Variants in MYPOP observed in about 807,000 individuals in gnomAD.
MYPOP encodes myb-related transcription factor, partner of profilin.
Under a neutral mutation model 25.7 loss-of-function variants are expected in MYPOP, and 21 were observed. The ratio of observed to expected loss-of-function variants is 0.82; its 90% CI spans 0.58 to 1.18. The LOEUF (loss-of-function observed/expected upper bound fraction) is 1.18, where lower values mean the gene tolerates loss of function less well. MYPOP is among the 50% of genes most tolerant of loss of function. The pLI, the probability that MYPOP is intolerant of heterozygous loss-of-function variation, is 0.00. For synonymous variants in MYPOP, 280 were observed against 247.9 expected (o/e 1.13, Z -1.22); for missense variants, 566 against 588.3 (o/e 0.96, Z 0.39).
rs766962518 is a variant in MYPOP at position 45,901,429 on chromosome 19, G to A, written c.345C>T (p.Thr115=). The A allele has an allele frequency of 1.6e-5, 26 of 1,577,982 alleles. No individual in the cohort carries two copies. The highest frequency in any genetic ancestry group is 2.2e-5 in the Non-Finnish European group (25 of 1,162,358). ...CACCTGGCCCCAGGATGGCAAAAATGGTCTCCTCTTCCGCGGAGAAAGCGT... is the reference window on the plus strand; with the variant it reads ...CACCTGGCCCCAGGATGGCAAAAATAGTCTCCTCTTCCGCGGAGAAAGCGT... The part of the protein sequence containing the change: ...AEDAFSAEEE[T]IFAILGPGVA... The change falls in exon 2 of 3, where the codon ACC becomes ACT. Residue 115 remains threonine (T), a synonymous_variant. Coordinates refer to ENST00000322217, the MANE Select transcript of MYPOP (RefSeq NM_001012643.4). This position sits in a 1 kb window ranked among gnomAD's most constrained non-coding sequence, Gnocchi z 5.7.
At position 45,902,559 on chromosome 19, in the gene MYPOP, G is replaced by A. The variant is rs544186974; in HGVS notation, c.-53+11C>T. 6.6e-6 allele frequency: 1 copy of A among 152,286 alleles called. No homozygotes were observed. The highest frequency in any genetic ancestry group is 6.5e-5 in the Admixed American group (1 of 15,288). The allele number at this position is 152,286 out of a possible 1,614,324, so 9.4% of individuals were successfully genotyped here. A position where few individuals can be genotyped will look rare whatever the true frequency, so the allele number is the denominator to read the frequency against. On this transcript the variant is annotated intron_variant, in intron 1 of 2. Coordinates refer to ENST00000322217, the MANE Select transcript of MYPOP (RefSeq NM_001012643.4). ...GAGGGTGGGGACCGAGTCGGGCCAC[G>A]GGTCACTCACCGGCTCCGCCGCAGC... is the stretch of plus-strand genomic sequence containing the variant.
chr19:45,898,756 T>A (rs967886538), intron 2 of MYPOP, among the ~76,000 whole-genome samples: 1 of 152,142 alleles, frequency 6.6e-6, no homozygotes, highest in Non-Finnish European at 1.5e-5. Context: ...TATTCCCATC[T>A]CTACTTGAAT....
At position 45,901,293 on chromosome 19, in the gene MYPOP, G is replaced by C. The variant is rs759225106; in HGVS notation, c.481C>G (p.Arg161Gly). ...PQRYVLSEDRREDRRADTSAH... is the reference protein window; with the variant it reads ...PQRYVLSEDRGEDRRADTSAH... ...CACTCACCTGCACGTCGGTCCTCCC[G>C]GCGGTCTTCCGACAACACGTAGCGC... The change falls in exon 2 of 3, where the codon CGG (arginine) becomes GGG (glycine). Residue 161 changes from arginine (R) to glycine (G), a missense_variant. Transcript: ENST00000322217. The surrounding 1 kb of genome is among the most constrained non-coding windows in gnomAD (Gnocchi z 5.7). 3.7e-5 allele frequency: 53 copies of C among 1,451,770 alleles called. No homozygotes were observed. Among genetic ancestry groups the C allele is most frequent in the Non-Finnish European group, 4.0e-5 (44 of 1,103,498 alleles). The allele number at this position is 1,451,770 out of a possible 1,614,324, so 89.9% of individuals were successfully genotyped here.
Position 45,890,943 on chromosome 19 carries a change from G to A in MYPOP, c.880C>T (p.Leu294=), listed in dbSNP as rs1157979787. Residue 294 remains leucine (L), a synonymous_variant, in exon 3 of 3, where the codon CTG becomes TTG. Coordinates refer to ENST00000322217, the MANE Select transcript of MYPOP (RefSeq NM_001012643.4). ...GGGGTTCCTGGCAGAAGGGGCAGCA[G>A]AGCGCTGAGGGCCTCGCTCAGTTTG... is the stretch of plus-strand genomic sequence containing the variant. The part of the protein sequence containing the change: ...LAKLSEALSA[L]LPLLPGTPVD... 8 of 1,461,872 alleles carry A rather than the reference G, an allele frequency of 5.5e-6. No individual in the cohort carries two copies. Among genetic ancestry groups the A allele is most frequent in the Non-Finnish European group, 7.2e-6 (8 of 1,106,284 alleles). The allele number at this position is 1,461,872 out of a possible 1,614,324, so 90.6% of individuals were successfully genotyped here. A position where few individuals can be genotyped will look rare whatever the true frequency, so the allele number is the denominator to read the frequency against.
intron 2 of MYPOP, among the ~76,000 whole-genome samples, chr19:45,898,390 A>G (rs1182509318): frequency 6.7e-6 from 1 of 149,832 alleles, no homozygotes; most frequent in Non-Finnish European, 1.5e-5. Flanking sequence ...TGGCGCGATC[A>G]TGGCTCACTG....
chr19:45,901,615 C>T lies in MYPOP; in HGVS notation c.159G>A (p.Arg53=), dbSNP rs1568646027. The change falls in exon 2 of 3, where the codon CGG becomes CGA. Residue 53 remains arginine, a synonymous_variant. Coordinates refer to ENST00000322217, the MANE Select transcript of MYPOP (RefSeq NM_001012643.4). This position sits in a 1 kb window ranked among gnomAD's most constrained non-coding sequence, Gnocchi z 5.7. Reference sequence around the variant, plus strand: ...TGGCGGCGATGCCGTCCCACACGCGCCGCCGCTCTGCCACGCTCACCCGAC... The same window carrying T: ...TGGCGGCGATGCCGTCCCACACGCGTCGCCGCTCTGCCACGCTCACCCGAC... ...QSRRVSVAER[R]RVWDGIAAKI... 4 of 1,610,648 alleles carry T rather than the reference C, an allele frequency of 2.5e-6. No homozygotes were observed. The African/African-American group carries it at 4.0e-5, about 16-fold the overall frequency.
At chr19:45,891,473 G>T (rs1967125908) in intron 2 of MYPOP, 150 bp from the exon 3 acceptor site, 13 of 949,918 alleles carry the variant, frequency 1.4e-5, no homozygotes, top group Middle Eastern at 3.4e-4. Flanking sequence ...GTCTTGGTCT[G>T]TCACCCAGGC....
At chr19:45,897,413 G>A (rs1445099829) in intron 2 of MYPOP, among the ~76,000 whole-genome samples, 2 of 152,082 alleles carry the variant, frequency 1.3e-5, no homozygotes, top group Admixed American at 1.3e-4. Context: ...GGCCTGGGGT[G>A]TGAGTGACAA....
chr19:45,891,842 G>A (rs927911320), intron 2 of MYPOP, among the ~76,000 whole-genome samples: 5 of 152,200 alleles, frequency 3.3e-5, no homozygotes, highest in African/African-American at 1.2e-4. Flanking sequence ...GCCAGCTTTA[G>A]TGGAAACAGG....
intron 2 of MYPOP, among the ~76,000 whole-genome samples, chr19:45,891,588 C>T (rs1967127428): frequency 6.6e-6 from 1 of 152,006 alleles, no homozygotes; most frequent in African/African-American, 2.4e-5. Context: ...AGGTGACCGC[C>T]ACCACACCCG....
intron 2 of MYPOP, among the ~76,000 whole-genome samples, chr19:45,895,155 C>T (rs1479870654): frequency 6.6e-6 from 1 of 152,218 alleles, no homozygotes; most frequent in African/African-American, 2.4e-5. Context: ...TCCCCCATTG[C>T]CTTCCTGACC....
At position 45,890,303 on chromosome 19, in the gene MYPOP, G is replaced by C. The variant is rs549036390; in HGVS notation, c.*320C>G. 2 of 274,906 alleles carry C rather than the reference G, an allele frequency of 7.3e-6. No individual in the cohort carries two copies. The highest frequency in any genetic ancestry group is 4.4e-5 in the African/African-American group (2 of 45,332). 17.0% of individuals were successfully genotyped at this position (274,906 alleles called of 1,614,324 possible). ...TTCAAGTCAAGAACAGGAACTGTTA[G>C]GGAAGGGGAGATGTGCAGACCCGAG... is the stretch of plus-strand genomic sequence containing the variant. On this transcript the variant is annotated 3_prime_UTR_variant, in exon 3 of 3. Coordinates refer to ENST00000322217, the MANE Select transcript of MYPOP (RefSeq NM_001012643.4).
At chr19:45,899,336 G>A (rs1224916849) in intron 2 of MYPOP, among the ~76,000 whole-genome samples, 1 of 152,162 alleles carries the variant, frequency 6.6e-6, no homozygotes, top group Non-Finnish European at 1.5e-5. Context: ...CGTCTGCCTT[G>A]GATGAGGTTC....
At chr19:45,898,215 G>A (rs1460184242) in intron 2 of MYPOP, among the ~76,000 whole-genome samples, 1 of 151,978 alleles carries the variant, frequency 6.6e-6, no homozygotes, top group Non-Finnish European at 1.5e-5. Flanking sequence ...ATGAGCCACC[G>A]CAGCTGGCCC....
chr19:45,891,685 G>A (rs574376268), intron 2 of MYPOP, among the ~76,000 whole-genome samples: 60 of 151,938 alleles, frequency 3.9e-4, no homozygotes, highest in African/African-American at 1.4e-3. Flanking sequence ...CGATCCGCCC[G>A]CCTTGGCCTC....
Position 45,890,806 on chromosome 19 carries a change from G to A in MYPOP, c.1017C>T (p.Ser339=), listed in dbSNP as rs760006426. The A allele has an allele frequency of 3.4e-6, 5 of 1,487,470 alleles. No individual in the cohort carries two copies. The highest frequency in any genetic ancestry group is 2.7e-5 in the South Asian group (2 of 74,956). 92.1% of individuals were successfully genotyped at this position (1,487,470 alleles called of 1,614,324 possible). ...CCCCGTCCACCACAGCAGCCACCACGGACACGGGCTCTGGGGTGATCTCCA... is the reference window on the plus strand; with the variant it reads ...CCCCGTCCACCACAGCAGCCACCACAGACACGGGCTCTGGGGTGATCTCCA... ...PKVEITPEPV[S]VVAAVVDGAV... The change falls in exon 3 of 3, where the codon TCC becomes TCT. Residue 339 remains serine (S), a synonymous_variant. Coordinates refer to ENST00000322217, the MANE Select transcript of MYPOP (RefSeq NM_001012643.4).
intron 2 of MYPOP, among the ~76,000 whole-genome samples, chr19:45,898,919 T>C (rs1967246464): frequency 6.6e-6 from 1 of 152,146 alleles, no homozygotes; most frequent in African/African-American, 2.4e-5. Context: ...GTCTGTTTCC[T>C]CCAACTACAT....
Position 45,901,571 on chromosome 19 carries a change from C to T in MYPOP, c.203G>A (p.Ser68Asn), listed in dbSNP as rs1478052528. Residue 68 changes from serine to asparagine, a missense_variant, in exon 2 of 3, where the codon AGC becomes AAC. Transcript: ENST00000322217. The surrounding 1 kb of genome is among the most constrained non-coding windows in gnomAD (Gnocchi z 5.7). ...GIAAKINGIT[S>N]WKRTGQEVQK... is the part of the protein sequence containing the mutation. ...CACCTCCTGGCCCGTGCGCTTCCAG[C>T]TGGTGATACCGTTGATCTTGGCGGC... 10 of 1,612,078 alleles carry T rather than the reference C, an allele frequency of 6.2e-6. No individual in the cohort carries two copies. The highest frequency in any genetic ancestry group is 1.3e-5 in the African/African-American group (1 of 74,896).
intron 2 of MYPOP, among the ~76,000 whole-genome samples, chr19:45,893,881 C>T (rs1967163084): frequency 6.7e-6 from 1 of 150,218 alleles, no homozygotes; most frequent in Non-Finnish European, 1.5e-5. Context: ...GCTCCGCCTC[C>T]TGGGTTCACG....
Sources: allele counts gnomAD v4.1 joint callset (sites outside exome capture counted in the v4.1 genomes callset), GRCh38; gene constraint gnomAD v4.1.1; non-coding constraint Gnocchi (gnomAD v3.1); transcripts MANE v1.5; gene names NCBI Gene and HGNC (gene_info 2026-07-23, HGNC 2026-07-21).